Variants in TOP3A observed in about 807,000 individuals in gnomAD.
TOP3A encodes the protein DNA topoisomerase III alpha, also known as DNA topoisomerase 3-alpha.
TOP3A carries 64 observed loss-of-function variants against 111.3 expected under a neutral mutation model. That is an observed-to-expected ratio of 0.57 (90% CI 0.47 to 0.71). TOP3A has a LOEUF of 0.71. TOP3A is among the 30% of genes least tolerant of loss of function. The pLI is 0.00. For synonymous variants in TOP3A, 484 were observed against 485.1 expected (o/e 1.00, Z 0.03); for missense variants, 1,104 against 1,285.0 (o/e 0.86, Z 2.15).
chr17:18,278,137 T>G lies in TOP3A; in HGVS notation c.2365A>C (p.Thr789Pro). The G allele has an allele frequency of 1.2e-6, 2 of 1,614,210 alleles. No homozygotes were observed. Among genetic ancestry groups the G allele is most frequent in the Non-Finnish European group, 1.7e-6 (2 of 1,180,022 alleles). Residue 789 changes from threonine to proline, a missense_variant, in exon 18 of 19, where the codon ACT (threonine) becomes CCT (proline). Physicochemically the swap from Thr to Pro is conservative, Grantham distance 38. Transcript: ENST00000321105. ...TGGGCCAGAGCCTTTGAGGACCCAG[T>G]CTGTCTGCTGTCAGCAGGCTGGGGG... ...QHPQPADSRQ[T>P]GSSKALAQTL...
At chr17:18,314,168 G>A (rs1263914052) in intron 1 of TOP3A, among the ~76,000 whole-genome samples, 4 of 152,294 alleles carry the variant, frequency 2.6e-5, no homozygotes, top group Middle Eastern at 3.4e-3. Flanking sequence ...GGATGGGGAG[G>A]GCTAGGTTGG....
At chr17:18,301,660 G>A (rs1008003988) in intron 8 of TOP3A, among the ~76,000 whole-genome samples, 1 of 152,194 alleles carries the variant, frequency 6.6e-6, no homozygotes, top group Non-Finnish European at 1.5e-5. Flanking sequence ...TCAACTATAC[G>A]TTTCCCAAAA....
intron 10 of TOP3A, among the ~76,000 whole-genome samples, chr17:18,293,764 T>C (rs1443545487): frequency 6.6e-6 from 1 of 152,002 alleles, no homozygotes; most frequent in Non-Finnish European, 1.5e-5. Context: ...ACCTGGCTAA[T>C]TTTTGTATTT....
intron 8 of TOP3A, among the ~76,000 whole-genome samples, chr17:18,300,097 A>C (rs987036161): frequency 3.3e-5 from 5 of 152,196 alleles, no homozygotes; most frequent in Non-Finnish European, 7.3e-5. Context: ...AGGATAATAC[A>C]GTTAGAAATA....
chr17:18,306,049 C>T (rs950246378), intron 4 of TOP3A, among the ~76,000 whole-genome samples: 6 of 150,858 alleles, frequency 4.0e-5, no homozygotes, highest in Non-Finnish European at 8.9e-5. Context: ...TAAAAATGCA[C>T]AAATTAGCCG....
chr17:18,311,201 C>A (rs1377669727), intron 1 of TOP3A, among the ~76,000 whole-genome samples: 2 of 152,084 alleles, frequency 1.3e-5, no homozygotes, highest in Middle Eastern at 3.4e-3. Flanking sequence ...AGGGTTTCAC[C>A]GTGTTAGCCA....
At chr17:18,309,175 C>A (rs8075915) in intron 1 of TOP3A, among the ~76,000 whole-genome samples, 3,934 of 152,044 alleles carry the variant, frequency 0.026, 169 homozygotes, top group African/African-American at 0.084. Flanking sequence ...CCACTCCATA[C>A]CCATTAGGAT....
At chr17:18,290,300 GTC>G (rs1980384147) in intron 13 of TOP3A, among the ~76,000 whole-genome samples, 6 of 152,256 alleles carry the variant, frequency 3.9e-5, no homozygotes, top group Admixed American at 3.3e-4. Flanking sequence ...CATGGGAAAA[GTC>G]TCTGTTACTA....
Position 18,285,132 on chromosome 17 carries a change from A to G in TOP3A, c.1877+10T>C. ...AGTGAGACCCCTCTGTATTTCTTTT[A>G]AGGACTTACTTCTTTGCTTTAGCCA... On this transcript the variant is annotated intron_variant, in intron 15 of 18. Coordinates refer to ENST00000321105, the MANE Select transcript of TOP3A (RefSeq NM_004618.5). 1.2e-6 allele frequency: 2 copies of G among 1,612,750 alleles called. No individual in the cohort carries two copies. The highest frequency in any genetic ancestry group is 1.7e-6 in the Non-Finnish European group (2 of 1,179,938).
Position 18,309,536 on chromosome 17 carries a change from G to A in TOP3A, c.181-595C>T, listed in dbSNP as rs62072514. ...TGTGTGCCTGTAATCCCAGTTACTTGGGGAGGCTGAGGCAGGAGAATCACT... is the reference window on the plus strand; with the variant it reads ...TGTGTGCCTGTAATCCCAGTTACTTAGGGAGGCTGAGGCAGGAGAATCACT... On this transcript the variant is annotated intron_variant, in intron 1 of 18. Coordinates refer to ENST00000321105, the MANE Select transcript of TOP3A (RefSeq NM_004618.5). 6.6e-3 allele frequency among the ~76,000 whole-genome samples: 995 copies of A among 151,776 alleles called. 5 individuals carry two copies. Among genetic ancestry groups the A allele is most frequent in the Non-Finnish European group, 9.6e-3 (649 of 67,920 alleles).
At chr17:18,300,174 G>A (rs750906570) in intron 8 of TOP3A, among the ~76,000 whole-genome samples, 6 of 73,564 alleles carry the variant, frequency 8.2e-5, no homozygotes, top group African/African-American at 5.2e-4. Context: ...GAGGCGGGCG[G>A]ATTACAAGGT....
At position 18,285,438 on chromosome 17, in the gene TOP3A, G is replaced by C; in HGVS notation, c.1680C>G (p.Leu560=). 1 of 1,614,088 alleles carries C rather than the reference G, an allele frequency of 6.2e-7. No individual in the cohort carries two copies. Among genetic ancestry groups the C allele is most frequent in the Non-Finnish European group, 8.5e-7 (1 of 1,179,996 alleles). The change falls in exon 14 of 19, where the codon CTC becomes CTG. Residue 560 remains leucine (L), a synonymous_variant. Transcript: ENST00000321105. ...CAAGTCCCATGCCCAGGTGCCCAGG[G>C]AGGAACCGCTTGTCTGGGGTGAGGC... The part of the protein sequence containing the change: ...YVGLTPDKRF[L]PGHLGMGLVE...
chr17:18,289,569 C>T lies in TOP3A; in HGVS notation c.1597+988G>A, dbSNP rs188655527. Among the ~76,000 whole-genome samples, 349 of 152,252 alleles carry T rather than the reference C, an allele frequency of 2.3e-3. 1 individual carries two copies. Among genetic ancestry groups the T allele is most frequent in the East Asian group, 1.9e-3 (10 of 5,158 alleles). On this transcript the variant is annotated intron_variant, in intron 13 of 18. Coordinates refer to ENST00000321105, the MANE Select transcript of TOP3A (RefSeq NM_004618.5). ...TTGGGATTACAGGCGTGAGCCACTG[C>T]GCCCAGCAAGATGGGGTTTTACCGT...
At position 18,292,708 on chromosome 17, in the gene TOP3A, A is replaced by T; in HGVS notation, c.1218T>A (p.Asn406Lys). The change falls in exon 11 of 19, where the codon AAT becomes AAA. Residue 406 changes from asparagine (N) to lysine (K), a missense_variant. Transcript: ENST00000321105. The part of the protein sequence containing the change: ...ILERGGPTPR[N>K]GNKSDQAHPP... ...GGTGAGCTTGGTCAGACTTGTTCCC[A>T]TTGCGTGGGGTGGGACCACCCCGCT... is the stretch of plus-strand genomic sequence containing the variant. The T allele has an allele frequency of 6.2e-7, 1 of 1,607,030 alleles. No homozygotes were observed. Among genetic ancestry groups the T allele is most frequent in the Middle Eastern group, 1.7e-4 (1 of 6,036 alleles).
In TOP3A at chr17:18,272,641, C is replaced by G. The variant is rs1383533212; in HGVS notation, c.*2161G>C. On this transcript the variant is annotated 3_prime_UTR_variant, in exon 19 of 19. Coordinates refer to ENST00000321105, the MANE Select transcript of TOP3A (RefSeq NM_004618.5). The stretch of plus-strand genomic sequence containing the variant: ...TGTGGATGAGCCTGACAAACATCAG[C>G]CAAGTCAAAGAAACCAGACACAGGA... Among the ~76,000 whole-genome samples, 1 of 152,086 alleles carries G rather than the reference C, an allele frequency of 6.6e-6. No homozygotes were observed. The highest frequency in any genetic ancestry group is 6.6e-5 in the Admixed American group (1 of 15,260).
intron 4 of TOP3A, 90 bp from the exon 5 acceptor site, chr17:18,305,310 T>A: frequency 9.4e-7 from 1 of 1,065,006 alleles, no homozygotes; most frequent in Non-Finnish European, 1.4e-6. Context: ...GACTGAAGGT[T>A]AATGCTGCTC....
chr17:18,300,705 A>C (rs1228645023), intron 8 of TOP3A, among the ~76,000 whole-genome samples: 2 of 151,906 alleles, frequency 1.3e-5, no homozygotes, highest in Non-Finnish European at 2.9e-5. Flanking sequence ...ATATGCAGGT[A>C]CCACCACGCC....
intron 15 of TOP3A, among the ~76,000 whole-genome samples, chr17:18,284,781 G>GA (rs112368282): frequency 0.019 from 2,782 of 146,018 alleles, 47 homozygotes; most frequent in Non-Finnish European, 0.022. Context: ...AATTAAAGCA[G>GA]AAAAAAAAAA....
At chr17:18,290,474 G>T in intron 13 of TOP3A, 83 bp downstream of exon 13, 2 of 1,383,072 alleles carry the variant, frequency 1.4e-6, no homozygotes, top group Non-Finnish European at 1.9e-6. Flanking sequence ...TTAGAGAATG[G>T]TTTGAAGACT....
Sources: gnomAD v4.1 joint callset for allele counts (sites outside exome capture counted in the v4.1 genomes callset) on GRCh38, gnomAD v4.1.1 for gene constraint, MANE v1.5 for transcripts, NCBI Gene and HGNC (gene_info 2026-07-23, HGNC 2026-07-21) for gene names.